The following N4BP2L2 variants were observed in gnomAD, a reference collection of about 807,000 sequenced individuals.
N4BP2L2 encodes NEDD4-binding protein 2-like 2.
A neutral mutation model predicts 56.2 loss-of-function variants in N4BP2L2; 50 were observed. That is an observed-to-expected ratio of 0.89 (90% CI 0.71 to 1.13). The LOEUF (loss-of-function observed/expected upper bound fraction) is 1.13, where lower values mean the gene tolerates loss of function less well. Among genes scored for constraint, N4BP2L2 ranks in the 50% most tolerant of loss-of-function variants. The pLI, the probability that N4BP2L2 is intolerant of heterozygous loss-of-function variation, is 0.00. For synonymous variants in N4BP2L2, 203 were observed against 223.6 expected, an observed-to-expected ratio of 0.91 and a Z score of 0.82; for missense variants, 689 against 693.8, an observed-to-expected ratio of 0.99 and a Z score of 0.08.
chr13:32,451,344 A>AC (rs2077984052), intron 6 of N4BP2L2, among the ~76,000 whole-genome samples: 1 of 151,806 alleles, frequency 6.6e-6, no homozygotes, highest in South Asian at 2.1e-4. Context: ...AAAAAACACA[A>AC]CCCCCAGGTG....
chr13:32,484,710 C>T (rs189932852), intron 6 of N4BP2L2, among the ~76,000 whole-genome samples: 2 of 152,310 alleles, frequency 1.3e-5, no homozygotes, highest in Non-Finnish European at 2.9e-5. Flanking sequence ...TTCTCGAACT[C>T]CTGACCTCAA....
intron 6 of N4BP2L2, among the ~76,000 whole-genome samples, chr13:32,462,361 T>G (rs898460263): frequency 1.3e-5 from 2 of 152,150 alleles, no homozygotes; most frequent in Non-Finnish European, 1.5e-5. Flanking sequence ...GTATCACATG[T>G]TCTCATTCAT....
intron 6 of N4BP2L2, among the ~76,000 whole-genome samples, chr13:32,473,298 T>G (rs1593669538): frequency 2.0e-5 from 3 of 151,732 alleles, no homozygotes; most frequent in Admixed American, 2.0e-4. Flanking sequence ...AAAAAAAAAT[T>G]AAATATTTAT....
chr13:32,481,118 CAAA>C (rs60854435), intron 6 of N4BP2L2, among the ~76,000 whole-genome samples: 203 of 20,576 alleles, frequency 9.9e-3, no homozygotes, highest in African/African-American at 0.036. Flanking sequence ...GACTCTGTCT[CAAA>C]AAAAAAAAAA....
At chr13:32,479,911 T>TGA (rs148503038) in intron 6 of N4BP2L2, among the ~76,000 whole-genome samples, 5,821 of 139,156 alleles carry the variant, frequency 0.042, 122 homozygotes, top group African/African-American at 0.053. Context: ...AGACACAGAG[T>TGA]GAGAGAGAGA....
At chr13:32,458,928 T>C (rs770090860) in intron 6 of N4BP2L2, among the ~76,000 whole-genome samples, 5 of 152,132 alleles carry the variant, frequency 3.3e-5, no homozygotes, top group Non-Finnish European at 5.9e-5. Flanking sequence ...AAAACTGTAA[T>C]CATATCAAGT....
intron 6 of N4BP2L2, among the ~76,000 whole-genome samples, chr13:32,458,326 A>C (rs1333260629): frequency 6.6e-6 from 1 of 152,198 alleles, no homozygotes; most frequent in Non-Finnish European, 1.5e-5. Flanking sequence ...CGGCCTCCCA[A>C]AGTGCTGGGA....
chr13:32,443,988 C>A (rs373963438), exon 7 of N4BP2L2: 2 of 1,607,534 alleles, frequency 1.2e-6, no homozygotes, highest in South Asian at 2.2e-5. Context: ...CCTGATCTCC[C>A]GGTGTAAGAT....
At chr13:32,503,597 A>C (rs2090416594) in intron 6 of N4BP2L2, among the ~76,000 whole-genome samples, 4 of 152,248 alleles carry the variant, frequency 2.6e-5, no homozygotes. Context: ...AGTCTAGGTA[A>C]CAATTCCTTA....
At chr13:32,537,124 TTTGTG>T in intron 1 of N4BP2L2, 97 bp from the exon 2 acceptor site, 2 of 891,314 alleles carry the variant, frequency 2.2e-6, no homozygotes, top group Non-Finnish European at 3.1e-6. Flanking sequence ...GACATTTAAA[TTTGTG>T]ATATATTTAA....
At chr13:32,538,432 C>A (rs1160657847) in intron 1 of N4BP2L2, among the ~76,000 whole-genome samples, 186 bp downstream of exon 1, 3 of 152,206 alleles carry the variant, frequency 2.0e-5, no homozygotes, top group Non-Finnish European at 4.4e-5. Flanking sequence ...GTGCGTCACC[C>A]AGCTTTTTTG....
chr13:32,530,556 T>C (rs2054436216), intron 2 of N4BP2L2, among the ~76,000 whole-genome samples: 1 of 152,196 alleles, frequency 6.6e-6, no homozygotes, highest in South Asian at 2.1e-4. Flanking sequence ...GCCACTTGAT[T>C]TCTATTTTTT....
At chr13:32,446,517 T>C (rs1353857201) in intron 6 of N4BP2L2, 2 of 1,302,186 alleles carry the variant, frequency 1.5e-6, no homozygotes, top group South Asian at 1.2e-5. Flanking sequence ...CAAATAGAGT[T>C]TGTTGTTGCG....
chr13:32,498,283 T>C (rs9591030), intron 6 of N4BP2L2, among the ~76,000 whole-genome samples: 2,553 of 152,240 alleles, frequency 0.017, 72 homozygotes, highest in African/African-American at 0.057. Context: ...GACACATAAT[T>C]ATGTCTGTTG....
chr13:32,441,690 CATAA>C (rs199951664), intron 7 of N4BP2L2, among the ~76,000 whole-genome samples: 48,913 of 137,330 alleles, frequency 0.36, 9,684 homozygotes, highest in East Asian at 0.44. Flanking sequence ...CTCTCAAAAA[CATAA>C]ATAAATAAAT....
exon 2 of N4BP2L2, chr13:32,535,912 G>C (rs754675835): frequency 6.2e-7 from 1 of 1,614,006 alleles, no homozygotes; most frequent in African/African-American, 1.3e-5. Context: ...GATCTTTCCA[G>C]CATCTTTCTC....
intron 6 of N4BP2L2, among the ~76,000 whole-genome samples, chr13:32,489,674 A>G (rs2086632715): frequency 1.3e-5 from 2 of 151,920 alleles, no homozygotes; most frequent in Admixed American, 1.3e-4. Flanking sequence ...TCGGTTCAAT[A>G]TTCTAACATT....
intron 2 of N4BP2L2, among the ~76,000 whole-genome samples, chr13:32,529,056 A>G (rs2053897740): frequency 6.6e-6 from 1 of 152,244 alleles, no homozygotes; most frequent in East Asian, 1.9e-4. Context: ...TAGTTGTTAT[A>G]CTGTATTGTT....
intron 6 of N4BP2L2, among the ~76,000 whole-genome samples, chr13:32,496,726 A>C (rs1482775443): frequency 6.6e-6 from 1 of 152,130 alleles, no homozygotes; most frequent in African/African-American, 2.4e-5. Flanking sequence ...TCCCTAATCC[A>C]AAACCGGTAC....
Sources: gnomAD v4.1 joint callset for allele counts (sites outside exome capture counted in the v4.1 genomes callset) on GRCh38, gnomAD v4.1.1 for gene constraint, MANE v1.5 for transcripts, NCBI Gene and HGNC (gene_info 2026-07-23, HGNC 2026-07-21) for gene names.